The following RP1 variants were observed in gnomAD, a reference collection of about 807,000 sequenced individuals.
RP1 encodes oxygen-regulated protein 1.
Under a neutral mutation model 14.8 loss-of-function variants are expected in RP1, and 16 were observed. The observed-to-expected ratio is 1.08, with a 90% confidence interval of 0.73 to 1.65. The LOEUF (loss-of-function observed/expected upper bound fraction) is 1.65, where lower values mean the gene tolerates loss of function less well. Ranked by LOEUF, RP1 falls within the 40% of genes most tolerant of loss-of-function variation. The pLI is 0.00. For missense variants in RP1, 2,631 were observed against 2,535.0 expected, an observed-to-expected ratio of 1.04 and a Z score of -0.81; for synonymous variants, 876 against 883.6, an observed-to-expected ratio of 0.99 and a Z score of 0.15.
chr8:54,855,972 C>CACACACA (rs10573058), intron 26 of RP1, among the ~76,000 whole-genome samples: 3 of 70,618 alleles, frequency 4.2e-5, no homozygotes, highest in African/African-American at 1.6e-4. Flanking sequence ...CACACACACA[C>CACACACA]CCCCTATAAC....
intron 24 of RP1, among the ~76,000 whole-genome samples, chr8:54,835,873 G>T (rs1253067516): frequency 1.3e-5 from 2 of 152,132 alleles, no homozygotes; most frequent in Non-Finnish European, 2.9e-5. Flanking sequence ...CCTTCTATCA[G>T]CAACTTTAAG....
intron 3 of RP1, among the ~76,000 whole-genome samples, chr8:54,623,238 A>G: frequency 6.6e-6 from 1 of 152,172 alleles, no homozygotes; most frequent in South Asian, 2.1e-4. Flanking sequence ...TTTTACTAAA[A>G]TGATTTTATT....
chr8:54,757,403 G>T (rs1332347797), intron 21 of RP1, among the ~76,000 whole-genome samples: 1 of 152,206 alleles, frequency 6.6e-6, no homozygotes, highest in Non-Finnish European at 1.5e-5. Context: ...TTGTAGTTTG[G>T]GCTTGTCCCA....
intron 26 of RP1, among the ~76,000 whole-genome samples, chr8:54,853,867 AAAAGAAAAAG>A (rs964858614): frequency 6.6e-6 from 1 of 150,740 alleles, no homozygotes; most frequent in African/African-American, 2.4e-5. Context: ...AGAAAGAAAG[AAAAGAAAAAG>A]AAAGAAAAAA....
At chr8:54,601,339 G>A (rs1269986453) in intron 1 of RP1, among the ~76,000 whole-genome samples, 6 of 149,518 alleles carry the variant, frequency 4.0e-5, no homozygotes, top group Admixed American at 3.4e-4. Context: ...ACCAAACACC[G>A]CATATTCTCA....
Position 54,621,111 on chromosome 8 carries a change from G to T in RP1, c.145G>T (p.Gly49Cys), listed in dbSNP as rs374931762. 6.2e-7 allele frequency: 1 copy of T among 1,614,110 alleles called. No homozygotes were observed. Among genetic ancestry groups the T allele is most frequent in the Non-Finnish European group, 8.5e-7 (1 of 1,179,998 alleles). Residue 49 changes from glycine to cysteine, a missense_variant, in exon 2 of 4, where the codon GGC (glycine) becomes TGC (cysteine). Transcript: ENST00000220676. ...SFYKSGDPQF[G>C]GVRVVVNPRS... ...CTACAAGAGCGGAGACCCCCAATTCGGCGGGGTCAGGGTGGTGGTCAACCC... is the reference window on the plus strand; with the variant it reads ...CTACAAGAGCGGAGACCCCCAATTCTGCGGGGTCAGGGTGGTGGTCAACCC...
intron 15 of RP1, among the ~76,000 whole-genome samples, chr8:54,709,943 A>G (rs981264625): frequency 3.3e-5 from 5 of 152,184 alleles, no homozygotes; most frequent in African/African-American, 1.2e-4. Context: ...AACCTTCAGG[A>G]CAAGCAAGGA....
chr8:54,656,689 G>T (rs149707796), intron 6 of RP1, among the ~76,000 whole-genome samples: 265 of 150,790 alleles, frequency 1.8e-3, no homozygotes, highest in Non-Finnish European at 2.7e-3. Context: ...GCTGATAATA[G>T]GCTCTTGTTC....
intron 19 of RP1, among the ~76,000 whole-genome samples, chr8:54,740,766 G>A (rs756845558): frequency 1.2e-4 from 18 of 151,574 alleles, no homozygotes; most frequent in Admixed American, 3.9e-4. Flanking sequence ...CTTATGGGCC[G>A]GGTGCGGTGG....
At chr8:54,607,043 T>G (rs1805464371) in intron 1 of RP1, among the ~76,000 whole-genome samples, 1 of 152,230 alleles carries the variant, frequency 6.6e-6, no homozygotes, top group Admixed American at 6.5e-5. Context: ...TTCTCTCAAC[T>G]CGTCAAAGTC....
At chr8:54,603,117 C>G (rs1330646347) in intron 1 of RP1, among the ~76,000 whole-genome samples, 1 of 152,148 alleles carries the variant, frequency 6.6e-6, no homozygotes, top group Non-Finnish European at 1.5e-5. Flanking sequence ...TTGCCCATGC[C>G]TATGTCCTGA....
At chr8:54,809,602 T>A (rs1810939249) in intron 24 of RP1, among the ~76,000 whole-genome samples, 2 of 152,142 alleles carry the variant, frequency 1.3e-5, no homozygotes, top group Admixed American at 1.3e-4. Flanking sequence ...AAAAAAAGAC[T>A]GTTTCTTTCA....
chr8:54,774,936 A>G (rs1385502961), downstream of RP1, among the ~76,000 whole-genome samples: 2 of 152,172 alleles, frequency 1.3e-5, no homozygotes, highest in African/African-American at 2.4e-5. Flanking sequence ...CAAGTTTTCT[A>G]AACCTTGGGA....
At chr8:54,601,606 A>C (rs549214924) in intron 1 of RP1, among the ~76,000 whole-genome samples, 54 of 152,022 alleles carry the variant, frequency 3.6e-4, no homozygotes, top group African/African-American at 1.2e-3. Context: ...TAGAAAAAAA[A>C]AAAAAAGAAA....
intron 19 of RP1, among the ~76,000 whole-genome samples, chr8:54,748,546 C>G (rs1029115318): frequency 2.0e-5 from 3 of 152,322 alleles, no homozygotes; most frequent in East Asian, 3.9e-4. Context: ...GGTATTATCA[C>G]AAGGCACAGG....
At chr8:54,576,376 G>A (rs1035483690) in intron 1 of RP1, among the ~76,000 whole-genome samples, 1 of 152,200 alleles carries the variant, frequency 6.6e-6, no homozygotes, top group South Asian at 2.1e-4. Context: ...ACTGATTAAT[G>A]CTGTAATCAG....
chr8:54,565,423 G>T (rs1164565030), intron 1 of RP1, among the ~76,000 whole-genome samples: 1 of 152,302 alleles, frequency 6.6e-6, no homozygotes, highest in East Asian at 1.9e-4. Flanking sequence ...AAATTAGCCT[G>T]GTGTGGTGTC....
chr8:54,845,478 C>A (rs1438115855), intron 25 of RP1, among the ~76,000 whole-genome samples: 1 of 152,092 alleles, frequency 6.6e-6, no homozygotes, highest in African/African-American at 2.4e-5. Flanking sequence ...GCAGGGAAAC[C>A]AAGACGCCCG....
chr8:54,570,918 T>G (rs1288708241), intron 1 of RP1, among the ~76,000 whole-genome samples: 1 of 152,172 alleles, frequency 6.6e-6, no homozygotes, highest in Non-Finnish European at 1.5e-5. Flanking sequence ...AGGTTTCTTT[T>G]GAAACATGCA....
Sources: allele counts gnomAD v4.1 joint callset (sites outside exome capture counted in the v4.1 genomes callset), GRCh38; gene constraint gnomAD v4.1.1; transcripts MANE v1.5; gene names NCBI Gene and HGNC (gene_info 2026-07-23, HGNC 2026-07-21).